The following AFF3 variants were observed in gnomAD, a reference collection of about 807,000 sequenced individuals.
The protein encoded by AFF3 is ALF transcription elongation factor 3, also known as AF4/FMR2 family member 3.
AFF3 carries 32 observed loss-of-function variants against 129.7 expected under a neutral mutation model. The observed-to-expected ratio is 0.25, with a 90% CI of 0.19 to 0.33. The LOEUF (loss-of-function observed/expected upper bound fraction) is 0.33, where lower values mean the gene tolerates loss of function less well. Ranked by LOEUF, AFF3 falls within the 10% of genes least tolerant of loss-of-function variation. AFF3 has a pLI of 1.00. For synonymous variants in AFF3, 644 were observed against 635.4 expected (o/e 1.01, Z -0.20); for missense variants, 1,373 against 1,592.0 (o/e 0.86, Z 2.34).
In AFF3 at chr2:99,546,252, T is replaced by C. The variant is rs1470364797; in HGVS notation, c.*5222A>G. On this transcript the variant is annotated 3_prime_UTR_variant, in exon 25 of 25. Transcript: ENST00000672756. Reference sequence around the variant, plus strand: ...GAAGAGAACGTTCTTGAAAGACTGCTGGGTGTTTCTTAGCACAAACCACCT... The same window carrying C: ...GAAGAGAACGTTCTTGAAAGACTGCCGGGTGTTTCTTAGCACAAACCACCT... The C allele has an allele frequency of 4.3e-6, 1 of 232,486 alleles. No individual in the cohort carries two copies. The highest frequency in any genetic ancestry group is 8.5e-6 in the Non-Finnish European group (1 of 117,616). The allele number at this position is 232,486 out of a possible 1,614,324, so 14.4% of individuals were successfully genotyped here. A position where few individuals can be genotyped will look rare whatever the true frequency, so the allele number is the denominator to read the frequency against.
At chr2:99,996,623 G>A (rs1453823857) in intron 7 of AFF3, among the ~76,000 whole-genome samples, 7 of 146,882 alleles carry the variant, frequency 4.8e-5, no homozygotes, top group African/African-American at 1.5e-4. Context: ...CTTGTGATCC[G>A]CCCGCCTCAG....
chr2:99,820,060 A>G (rs377112545), intron 8 of AFF3, among the ~76,000 whole-genome samples: 42 of 152,378 alleles, frequency 2.8e-4, no homozygotes, highest in African/African-American at 9.1e-4. Context: ...ACATGAATAC[A>G]CACTCAAGAT....
chr2:100,031,586 C>A (rs1160463513), intron 4 of AFF3, among the ~76,000 whole-genome samples: 6 of 152,144 alleles, frequency 3.9e-5, no homozygotes, highest in African/African-American at 1.4e-4. Flanking sequence ...ATGGCTGATT[C>A]TAGGACTGGG....
At position 100,140,281 on chromosome 2, in the gene AFF3, G is replaced by A. The variant is rs548022503; in HGVS notation, c.-228+2203C>T. On this transcript the variant is annotated intron_variant, in intron 1 of 24. Transcript: ENST00000672756. ...TCAACCTTGATAGGCAAGACATCAGGTCCTTCCTCTGAGTAGTGGTGTAGA... is the reference window on the plus strand; with the variant it reads ...TCAACCTTGATAGGCAAGACATCAGATCCTTCCTCTGAGTAGTGGTGTAGA... 2.0e-5 allele frequency among the ~76,000 whole-genome samples: 3 copies of A among 152,274 alleles called. No individual in the cohort carries two copies. The South Asian group carries it at 6.2e-4, about 32-fold the overall frequency.
At chr2:99,606,562 T>A (rs7561197) in intron 13 of AFF3, among the ~76,000 whole-genome samples, 82,414 of 151,654 alleles carry the variant, frequency 0.54, 22,593 homozygotes, top group African/African-American at 0.62. Context: ...GTTTTTTTTT[T>A]AAAAAAGAGA....
At chr2:99,915,922 C>A (rs1321273591) in intron 7 of AFF3, among the ~76,000 whole-genome samples, 1 of 152,166 alleles carries the variant, frequency 6.6e-6, no homozygotes, top group Non-Finnish European at 1.5e-5. Context: ...AAATATTAAA[C>A]AGACTTAAAC....
intron 8 of AFF3, among the ~76,000 whole-genome samples, chr2:99,792,236 G>C (rs1428539968): frequency 6.6e-6 from 1 of 152,112 alleles, no homozygotes; most frequent in African/African-American, 2.4e-5. Context: ...AGAACTCTGG[G>C]ACTGAGGCTA....
In AFF3 at chr2:99,752,304, G is replaced by A. The variant is rs2105205430; in HGVS notation, c.922-3C>T. ...AGTGGTGGAAGCCAGGTCATCTCCT[G>A]AAGGACGGGATAAAAACAAACAATA... is the stretch of plus-strand genomic sequence containing the variant. On this transcript the variant is annotated splice_polypyrimidine_tract_variant and splice_region_variant and intron_variant, in intron 8 of 24. Transcript: ENST00000672756. 6.2e-7 allele frequency: 1 copy of A among 1,613,108 alleles called. No individual in the cohort carries two copies. Among genetic ancestry groups the A allele is most frequent in the Non-Finnish European group, 8.5e-7 (1 of 1,179,158 alleles).
At chr2:99,686,808 T>G (rs1057306375) in intron 11 of AFF3, among the ~76,000 whole-genome samples, 2 of 152,210 alleles carry the variant, frequency 1.3e-5, no homozygotes, top group Non-Finnish European at 2.9e-5. Context: ...GAAGCAGAGA[T>G]GAGACTGTCT....
intron 7 of AFF3, among the ~76,000 whole-genome samples, chr2:99,938,432 CGAT>C (rs111878756): frequency 1.7e-4 from 25 of 151,392 alleles, no homozygotes; most frequent in East Asian, 5.8e-4. Context: ...GACACACAGT[CGAT>C]GATGATGATG....
rs149812773 is a variant in AFF3, at chr2:99,956,194, G to A, written c.873+50438C>T. 7.9e-3 allele frequency among the ~76,000 whole-genome samples: 1,191 copies of A among 151,350 alleles called. 18 individuals are homozygous for A. Among genetic ancestry groups the A allele is most frequent in the African/African-American group, 0.027 (1,126 of 41,186 alleles). On this transcript the variant is annotated intron_variant, in intron 7 of 24. Coordinates refer to ENST00000672756, the MANE Select transcript of AFF3 (RefSeq NM_001386135.1). ...GTCCAAAGATACCCCTGGCACAAGC[G>A]ACAATAATATTACAGGGACATTAAA...
chr2:99,911,260 T>C (rs1440501940), intron 7 of AFF3, among the ~76,000 whole-genome samples: 1 of 152,084 alleles, frequency 6.6e-6, no homozygotes, highest in Non-Finnish European at 1.5e-5. Flanking sequence ...TGGTGGCACA[T>C]GCCTGTAATC....
intron 13 of AFF3, chr2:99,630,897 A>C: frequency 3.1e-6 from 1 of 326,082 alleles, no homozygotes; most frequent in Non-Finnish European, 6.5e-6. Flanking sequence ...CCATATCACC[A>C]GGCGTGTTCT....
chr2:99,761,665 G>C (rs1260317971), intron 8 of AFF3, among the ~76,000 whole-genome samples: 1 of 152,204 alleles, frequency 6.6e-6, no homozygotes, highest in Non-Finnish European at 1.5e-5. Context: ...GACCTGCAAA[G>C]TCTGTTTAGC....
intron 11 of AFF3, among the ~76,000 whole-genome samples, chr2:99,718,795 G>A (rs1678611530): frequency 6.6e-6 from 1 of 151,078 alleles, no homozygotes; most frequent in South Asian, 2.1e-4. Flanking sequence ...CTGTTGGCCA[G>A]GCTGGACTGC....
intron 7 of AFF3, among the ~76,000 whole-genome samples, chr2:99,907,531 C>A (rs547186329): frequency 6.6e-6 from 1 of 151,578 alleles, no homozygotes; most frequent in South Asian, 2.1e-4. Flanking sequence ...TGCTGTGGAG[C>A]TTTTACTATT....
Position 99,854,329 on chromosome 2 carries a change from G to A in AFF3, c.874-16805C>T, listed in dbSNP as rs74407522. Among the ~76,000 whole-genome samples, 116 of 150,752 alleles carry A rather than the reference G, an allele frequency of 7.7e-4. 2 individuals carry two copies. The East Asian group carries it at 0.019, about 25-fold the overall frequency. On this transcript the variant is annotated intron_variant, in intron 7 of 24. Transcript: ENST00000672756. ...ATGGTCTCAGTGCAGAACTTTATTT[G>A]GTCTTATGAAACACTTTACCAAAAC...
intron 10 of AFF3, among the ~76,000 whole-genome samples, chr2:99,728,660 G>C (rs1048563840): frequency 2.6e-5 from 4 of 152,150 alleles, no homozygotes; most frequent in Admixed American, 6.5e-5. Context: ...ACAGCTATGA[G>C]GGACTTTGGC....
At chr2:99,788,320 G>C (rs1039801041) in intron 8 of AFF3, among the ~76,000 whole-genome samples, 2 of 152,122 alleles carry the variant, frequency 1.3e-5, no homozygotes, top group Non-Finnish European at 2.9e-5. Flanking sequence ...TCAGAGGAGA[G>C]GACAGCTCCA....
Sources: allele counts gnomAD v4.1 joint callset (sites outside exome capture counted in the v4.1 genomes callset), GRCh38; gene constraint gnomAD v4.1.1; transcripts MANE v1.5; gene names NCBI Gene and HGNC (gene_info 2026-07-23, HGNC 2026-07-21).